Variants in GTF2IRD1 observed in about 807,000 individuals in gnomAD.
GTF2IRD1 encodes the protein general transcription factor II-I repeat domain-containing protein 1.
A neutral mutation model predicts 113.2 loss-of-function variants in GTF2IRD1; 26 were observed. The ratio of observed to expected loss-of-function variants is 0.23; its 90% CI spans 0.17 to 0.32. GTF2IRD1 has a LOEUF of 0.32. Ranked by LOEUF, GTF2IRD1 falls within the 10% of genes least tolerant of loss-of-function variation. GTF2IRD1 has a pLI of 1.00. For synonymous variants in GTF2IRD1, 484 were observed against 529.1 expected (o/e 0.91, Z 1.17); for missense variants, 864 against 1,280.8 (o/e 0.67, Z 4.97).
intron 26 of GTF2IRD1, chr7:74,602,070 C>T (rs1302554187): frequency 2.3e-5 from 5 of 221,140 alleles, no homozygotes; most frequent in East Asian, 1.0e-4. Flanking sequence ...GGCAAAACCC[C>T]GTCTCTACTA....
chr7:74,464,014 G>A (rs1047694139), intron 1 of GTF2IRD1, among the ~76,000 whole-genome samples: 35 of 152,128 alleles, frequency 2.3e-4, no homozygotes, highest in Admixed American at 1.4e-3. Context: ...GTGAGCCACC[G>A]CGCCCTGCCC....
chr7:74,528,046 T>G (rs1262204420), intron 8 of GTF2IRD1, among the ~76,000 whole-genome samples: 11 of 151,994 alleles, frequency 7.2e-5, no homozygotes, highest in Admixed American at 2.6e-4. Context: ...CGTGCCAAGC[T>G]CCTCCCTGGA....
chr7:74,564,600 T>A (rs1438513998), intron 22 of GTF2IRD1, among the ~76,000 whole-genome samples: 1 of 152,070 alleles, frequency 6.6e-6, no homozygotes, highest in South Asian at 2.1e-4. Flanking sequence ...GACATTTTTT[T>A]AAATTAGCCA....
intron 23 of GTF2IRD1, 89 bp downstream of exon 23, chr7:74,590,017 A>C: frequency 2.5e-6 from 2 of 796,418 alleles, no homozygotes; most frequent in Non-Finnish European, 4.3e-6. Context: ...GGCTTTCAGG[A>C]GCCCCCAGCT....
intron 22 of GTF2IRD1, among the ~76,000 whole-genome samples, chr7:74,575,453 G>A (rs781821978): frequency 1.7e-4 from 26 of 152,170 alleles, no homozygotes; most frequent in Non-Finnish European, 3.5e-4. Flanking sequence ...GTGCAGTTCT[G>A]AGCAGAGGGT....
chr7:74,529,802 G>A lies in GTF2IRD1; in HGVS notation c.1159G>A (p.Val387Met). The A allele has an allele frequency of 6.2e-7, 1 of 1,614,058 alleles. No individual in the cohort carries two copies. The highest frequency in any genetic ancestry group is 8.5e-7 in the Non-Finnish European group (1 of 1,179,894). Residue 387 changes from valine to methionine, a missense_variant, in exon 9 of 27, where the codon GTG becomes ATG. Physicochemically the swap from Val to Met is conservative, Grantham distance 21 (BLOSUM62 1). This residue lies in a region of GTF2IRD1 where 218 missense variants were observed against 352.6 expected (regional missense o/e 0.62). Transcript: ENST00000424337. ...GAAGATTGCCTGTGACCCGGAGGCT[G>A]TGGAGATCGTGGGCATCCCGGACAA... is the stretch of plus-strand genomic sequence containing the variant. ...YRKIACDPEA[V>M]EIVGIPDKIP...
chr7:74,496,390 T>C (rs1450200998), intron 1 of GTF2IRD1, among the ~76,000 whole-genome samples: 1 of 144,242 alleles, frequency 6.9e-6, no homozygotes, highest in African/African-American at 2.6e-5. Context: ...GTGTGTGATA[T>C]ATGTGGGTGT....
chr7:74,565,473 C>G (rs1238029575), intron 22 of GTF2IRD1, among the ~76,000 whole-genome samples: 7 of 151,944 alleles, frequency 4.6e-5, no homozygotes, highest in Non-Finnish European at 1.0e-4. Context: ...TGCAGTGAGC[C>G]AAGATCGCGC....
At position 74,602,386 on chromosome 7, in the gene GTF2IRD1, G is replaced by A. The variant is rs781880515; in HGVS notation, c.2788G>A (p.Asp930Asn). ...SLVQWPMYMVDYAGLNVQLPG... is the reference protein window; with the variant it reads ...SLVQWPMYMVNYAGLNVQLPG... Reference sequence around the variant, plus strand: ...CTAGCAATGGCCAATGTACATGGTGGACTATGCCGGCCTGAACGTGCAGCT... The same window carrying A: ...CTAGCAATGGCCAATGTACATGGTGAACTATGCCGGCCTGAACGTGCAGCT... The change falls in exon 27 of 27, where the codon GAC becomes AAC. Residue 930 changes from aspartate (D) to asparagine (N), a missense_variant. This residue lies in a region of GTF2IRD1 where 18 missense variants were observed against 35.7 expected (regional missense o/e 0.50). Coordinates refer to ENST00000424337, the MANE Select transcript of GTF2IRD1 (RefSeq NM_005685.4). 25 of 1,613,638 alleles carry A rather than the reference G, an allele frequency of 1.5e-5. No individual in the cohort carries two copies. Among genetic ancestry groups the A allele is most frequent in the Non-Finnish European group, 2.0e-5 (24 of 1,179,640 alleles).
intron 1 of GTF2IRD1, among the ~76,000 whole-genome samples, chr7:74,488,579 GAGACCCTGTCTCTAACA>G (rs1461595586): frequency 6.6e-6 from 1 of 150,586 alleles, no homozygotes; most frequent in African/African-American, 2.4e-5. Context: ...GCAACATAGT[GAGACCCTGTCTCTAACA>G]AGATTTTTTA....
At chr7:74,541,627 T>A (rs1798642762) in intron 14 of GTF2IRD1, among the ~76,000 whole-genome samples, 2 of 151,740 alleles carry the variant, frequency 1.3e-5, no homozygotes, top group Admixed American at 1.3e-4. Context: ...ATAGGTCAGG[T>A]GCATTGGCTT....
intron 1 of GTF2IRD1, among the ~76,000 whole-genome samples, chr7:74,492,652 G>A (rs1229982399): frequency 6.6e-6 from 1 of 152,044 alleles, no homozygotes. Context: ...CTTTGCCCAT[G>A]TTTTTATGAG....
At chr7:74,494,324 C>T (rs948831236) in intron 1 of GTF2IRD1, among the ~76,000 whole-genome samples, 4 of 152,166 alleles carry the variant, frequency 2.6e-5, no homozygotes, top group Admixed American at 1.3e-4. Context: ...CTTGCTGGCC[C>T]GGGGCCTGAG....
intron 22 of GTF2IRD1, among the ~76,000 whole-genome samples, chr7:74,584,928 A>G (rs1460769059): frequency 6.6e-6 from 1 of 151,934 alleles, no homozygotes. Context: ...CCGCCCCCGG[A>G]GTAGCTGGGA....
At chr7:74,460,854 C>T (rs782299942) in intron 1 of GTF2IRD1, among the ~76,000 whole-genome samples, 1 of 152,140 alleles carries the variant, frequency 6.6e-6, no homozygotes, top group African/African-American at 2.4e-5. Flanking sequence ...GCCACGGGGG[C>T]GGTTGTGGAC....
chr7:74,576,111 G>A (rs146247133), intron 22 of GTF2IRD1, among the ~76,000 whole-genome samples: 38 of 151,998 alleles, frequency 2.5e-4, no homozygotes, highest in African/African-American at 6.0e-4. Flanking sequence ...AGTGAGCCAC[G>A]ATTGTGCCAC....
At chr7:74,550,560 C>G (rs1398820406) in intron 17 of GTF2IRD1, among the ~76,000 whole-genome samples, 3 of 151,592 alleles carry the variant, frequency 2.0e-5, no homozygotes, top group Non-Finnish European at 4.4e-5. Context: ...GCACTCTAGC[C>G]TGGGTGACAG....
chr7:74,577,296 C>T (rs1231860487), intron 22 of GTF2IRD1, among the ~76,000 whole-genome samples: 1 of 152,204 alleles, frequency 6.6e-6, no homozygotes, highest in Non-Finnish European at 1.5e-5. Context: ...GCCTCAGCCT[C>T]CCAAAGTGGT....
At chr7:74,517,457 G>A (rs1797014018) in intron 4 of GTF2IRD1, among the ~76,000 whole-genome samples, 1 of 104,926 alleles carries the variant, frequency 9.5e-6, no homozygotes, top group Non-Finnish European at 1.8e-5. Flanking sequence ...TTTTGAGATG[G>A]ATTCTCGTTC....
Sources: gnomAD v4.1 joint callset for allele counts (sites outside exome capture counted in the v4.1 genomes callset) on GRCh38, gnomAD v4.1.1 for gene constraint, gnomAD v4.1.1 regional missense constraint, MANE v1.5 for transcripts, NCBI Gene and HGNC (gene_info 2026-07-23, HGNC 2026-07-21) for gene names.